CLTC: variants seen among roughly 807,000 people sequenced by gnomAD.
CLTC encodes the protein clathrin heavy chain.
In CLTC, 16 loss-of-function variants were observed where a neutral mutation model predicts 195.8. The observed-to-expected ratio is 0.08, with a 90% CI of 0.06 to 0.12. CLTC has a LOEUF of 0.12. Among genes scored for constraint, CLTC ranks in the 10% least tolerant of loss-of-function variants. The pLI is 1.00. For missense variants in CLTC, 796 were observed against 2,027.0 expected (o/e 0.39, Z 11.66); for synonymous variants, 667 against 689.4 (o/e 0.97, Z 0.51).
chr17:59,647,792 CTT>C (rs556951531), intron 3 of CLTC, 126 bp downstream of exon 3: 3 of 846,230 alleles, frequency 3.5e-6, no homozygotes, highest in Admixed American at 2.8e-5. Context: ...TTTTGGAAGA[CTT>C]TTTTTTTCCT....
intron 1 of CLTC, among the ~76,000 whole-genome samples, chr17:59,621,844 GTTC>G (rs2031389767): frequency 6.6e-6 from 1 of 152,152 alleles, no homozygotes; most frequent in Admixed American, 6.5e-5. Flanking sequence ...GAGGGGTGCT[GTTC>G]TTAAGTGTGA....
chr17:59,693,275 G>A (rs1026502378), intron 31 of CLTC, among the ~76,000 whole-genome samples: 12 of 151,498 alleles, frequency 7.9e-5, no homozygotes, highest in East Asian at 7.8e-4. Flanking sequence ...GCTGAGGCAC[G>A]AGAATCACTT....
intron 1 of CLTC, among the ~76,000 whole-genome samples, chr17:59,637,740 G>A (rs2031911560): frequency 1.3e-5 from 2 of 150,998 alleles, no homozygotes; most frequent in African/African-American, 4.9e-5. Context: ...GTGGCGTATG[G>A]GTGGTACCAT....
intron 1 of CLTC, among the ~76,000 whole-genome samples, chr17:59,641,739 T>C (rs1235290752): frequency 1.3e-5 from 2 of 152,126 alleles, no homozygotes; most frequent in African/African-American, 2.4e-5. Flanking sequence ...ATCAAAGATA[T>C]ATATGCATAG....
chr17:59,657,229 C>T (rs1046659545), intron 6 of CLTC, among the ~76,000 whole-genome samples: 1 of 152,122 alleles, frequency 6.6e-6, no homozygotes, highest in African/African-American at 2.4e-5. Flanking sequence ...CCATGCCCCA[C>T]CTTAACTCCA....
intron 1 of CLTC, among the ~76,000 whole-genome samples, chr17:59,628,766 C>A (rs1421731972): frequency 1.3e-5 from 2 of 152,192 alleles, no homozygotes; most frequent in African/African-American, 2.4e-5. Flanking sequence ...TCAAGCAATT[C>A]TCCTGCCTCA....
chr17:59,680,328 T>A (rs11658001), intron 18 of CLTC, among the ~76,000 whole-genome samples: 86,158 of 151,986 alleles, frequency 0.57, 28,139 homozygotes, highest in Non-Finnish European at 0.74. Flanking sequence ...TATACCTAAA[T>A]AAAATAGACA....
Position 59,634,143 on chromosome 17 carries a change from G to A in CLTC, c.43-10133G>A, listed in dbSNP as rs1224315494. Among the ~76,000 whole-genome samples, 11 of 152,156 alleles carry A rather than the reference G, an allele frequency of 7.2e-5. No individual in the cohort carries two copies. In the East Asian group the frequency reaches 1.2e-3, roughly 16 times the overall value. ...AGGCTGGTCTTGAACACCTGGGCTC[G>A]AGAGGTCCTCCCACCTTGGCCTGCA... On this transcript the variant is annotated intron_variant, in intron 1 of 31. Transcript: ENST00000269122.
chr17:59,691,451 C>A (rs186578793), intron 31 of CLTC, among the ~76,000 whole-genome samples: 5 of 151,846 alleles, frequency 3.3e-5, no homozygotes, highest in African/African-American at 1.2e-4. Context: ...AGTGAATCGC[C>A]GTGTCTACTA....
At chr17:59,684,223 TCTA>T (rs2033132818) in intron 28 of CLTC, 1 of 426,506 alleles carries the variant, frequency 2.3e-6, no homozygotes. Flanking sequence ...TTACTTTATC[TCTA>T]ACATCTAGAT....
intron 1 of CLTC, among the ~76,000 whole-genome samples, chr17:59,621,422 A>C (rs2031374803): frequency 6.6e-6 from 1 of 152,248 alleles, no homozygotes; most frequent in Non-Finnish European, 1.5e-5. Context: ...CCTATTAGAC[A>C]CTTTACCATT....
intron 2 of CLTC, among the ~76,000 whole-genome samples, chr17:59,645,450 A>T (rs2143500408): frequency 6.6e-6 from 1 of 152,350 alleles, no homozygotes; most frequent in South Asian, 2.1e-4. Flanking sequence ...TATTCCTTTG[A>T]ACTTTAGAAT....
chr17:59,683,734 G>A lies in CLTC; in HGVS notation c.4301G>A (p.Arg1434His). 1 of 1,614,134 alleles carries A rather than the reference G, an allele frequency of 6.2e-7. No individual in the cohort carries two copies. Among genetic ancestry groups the A allele is most frequent in the Non-Finnish European group, 8.5e-7 (1 of 1,180,014 alleles). The stretch of plus-strand genomic sequence containing the variant: ...CTGTCTCCACGGTTGGATCACACTC[G>A]TGCAGTCAATTATTTCAGCAAGGTA... ...MVLSPRLDHT[R>H]AVNYFSKVKQ... The change falls in exon 27 of 32, where the codon CGT (arginine) becomes CAT (histidine). Residue 1434 changes from arginine (R) to histidine (H), a missense_variant. Around this residue, in one of 9 missense-constraint regions of CLTC, gnomAD observed 102 missense variants for 317.6 expected, o/e 0.32. Transcript: ENST00000269122. This position sits in a 1 kb window ranked among gnomAD's most constrained non-coding sequence, Gnocchi z 6.1.
intron 13 of CLTC, among the ~76,000 whole-genome samples, chr17:59,668,205 G>A (rs929141676): frequency 2.0e-5 from 3 of 152,118 alleles, no homozygotes; most frequent in Non-Finnish European, 4.4e-5. Context: ...AAATTATTTT[G>A]TATGTTTCCT....
intron 30 of CLTC, 39 bp from the exon 31 acceptor site, chr17:59,690,597 C>A (rs1484889293): frequency 6.2e-6 from 9 of 1,454,964 alleles, no homozygotes; most frequent in Admixed American, 1.8e-5. Context: ...GTTTATAATA[C>A]TTTTGGGGTG....
Position 59,681,514 on chromosome 17 carries a change from C to T in CLTC, c.3249+36C>T. 2 of 1,606,896 alleles carry T rather than the reference C, an allele frequency of 1.2e-6. No homozygotes were observed. Among genetic ancestry groups the T allele is most frequent in the African/African-American group, 1.3e-5 (1 of 74,898 alleles). ...AGATTACCTAAGTTGAATTACTAAA[C>T]ACTGTGCTATGAGGGTGGGCCTAAT... On this transcript the variant is annotated intron_variant, in intron 20 of 31. Transcript: ENST00000269122. This position sits in a 1 kb window ranked among gnomAD's most constrained non-coding sequence, Gnocchi z 5.0.
chr17:59,693,642 A>AG, intron 31 of CLTC, 86 bp from the exon 32 acceptor site: 2 of 1,416,760 alleles, frequency 1.4e-6, no homozygotes, highest in Non-Finnish European at 1.9e-6. Context: ...GCTAGAGTGG[A>AG]GGAGATTGGA....
At chr17:59,639,992 T>C (rs2031983016) in intron 1 of CLTC, among the ~76,000 whole-genome samples, 1 of 152,104 alleles carries the variant, frequency 6.6e-6, no homozygotes, top group Admixed American at 6.6e-5. Flanking sequence ...GTTTCTGTGG[T>C]ATAGCTTATA....
intron 14 of CLTC, among the ~76,000 whole-genome samples, chr17:59,670,295 CTTT>C (rs2032820217): frequency 8.2e-6 from 1 of 122,200 alleles, no homozygotes; most frequent in Non-Finnish European, 1.8e-5. Context: ...TTTTGTTTTT[CTTT>C]TTAAGCTTTT....
Sources: allele counts gnomAD v4.1 joint callset (sites outside exome capture counted in the v4.1 genomes callset), GRCh38; gene constraint gnomAD v4.1.1; regional missense constraint gnomAD v4.1.1; non-coding constraint Gnocchi (gnomAD v3.1); transcripts MANE v1.5; gene names NCBI Gene and HGNC (gene_info 2026-07-23, HGNC 2026-07-21).